The following GALNT2 variants were observed in gnomAD, a reference collection of about 807,000 sequenced individuals.
GALNT2 encodes the protein UDP-GalNAc:polypeptide N-acetylgalactosaminyltransferase 2.
GALNT2 carries 31 observed loss-of-function variants against 81.4 expected under a neutral mutation model. The ratio of observed to expected loss-of-function variants is 0.38; its 90% CI spans 0.29 to 0.51. GALNT2 has a LOEUF of 0.51. Among genes scored for constraint, GALNT2 ranks in the 20% least tolerant of loss-of-function variants. GALNT2 has a pLI of 0.87. For missense variants in GALNT2, 629 were observed against 765.7 expected (o/e 0.82, Z 2.11); for synonymous variants, 303 against 287.4 (o/e 1.05, Z -0.55).
chr1:230,104,541 T>C (rs566598048), intron 1 of GALNT2, among the ~76,000 whole-genome samples: 18 of 152,166 alleles, frequency 1.2e-4, no homozygotes, highest in Admixed American at 1.2e-3. Flanking sequence ...GTGGGGGAAA[T>C]GCGGGAGGAG....
At chr1:230,199,945 C>G (rs957041064) in intron 2 of GALNT2, among the ~76,000 whole-genome samples, 1 of 152,214 alleles carries the variant, frequency 6.6e-6, no homozygotes, top group Non-Finnish European at 1.5e-5. Context: ...GAAGCCGCCC[C>G]TGGTTTCCCA....
At chr1:230,239,272 A>G (rs1468228472) in intron 6 of GALNT2, among the ~76,000 whole-genome samples, 1 of 152,218 alleles carries the variant, frequency 6.6e-6, no homozygotes, top group Non-Finnish European at 1.5e-5. Context: ...GGATTCTCCA[A>G]AAGGACAGAA....
intron 14 of GALNT2, among the ~76,000 whole-genome samples, chr1:230,266,983 G>A (rs988138203): frequency 8.6e-6 from 1 of 116,432 alleles, no homozygotes; most frequent in African/African-American, 3.9e-5. Context: ...GCCTGTGCAC[G>A]TGTGTGACAC....
intron 3 of GALNT2, among the ~76,000 whole-genome samples, chr1:230,218,951 A>G (rs922740095): frequency 6.6e-6 from 1 of 152,218 alleles, no homozygotes; most frequent in African/African-American, 2.4e-5. Flanking sequence ...TAGGAGCACG[A>G]ACCCTATTGT....
rs531666135 is a variant in GALNT2 at position 230,111,470 on chromosome 1, A to G, written c.126+44064A>G. Among the ~76,000 whole-genome samples, 9 of 152,366 alleles carry G rather than the reference A, an allele frequency of 5.9e-5. No homozygotes were observed. In the South Asian group the frequency reaches 1.9e-3, roughly 32 times the overall value. On this transcript the variant is annotated intron_variant, in intron 1 of 15. Transcript: ENST00000366672. Reference sequence around the variant, plus strand: ...AACCCTCCCCAGAAGGCTCTGCTCAATGAGACTCTGAAAGTGTTCAAAAGC... The same window carrying G: ...AACCCTCCCCAGAAGGCTCTGCTCAGTGAGACTCTGAAAGTGTTCAAAAGC...
At chr1:230,184,607 A>G (rs1369844841) in intron 2 of GALNT2, among the ~76,000 whole-genome samples, 1 of 152,022 alleles carries the variant, frequency 6.6e-6, no homozygotes, top group Non-Finnish European at 1.5e-5. Flanking sequence ...GACATTAGTT[A>G]TAATCCTTCT....
At chr1:230,065,946 A>G (rs1050854823), upstream of GALNT2, among the ~76,000 whole-genome samples, 7 of 152,230 alleles carry the variant, frequency 4.6e-5, 1 homozygote, top group South Asian at 1.5e-3. Flanking sequence ...ACCTCTGTTC[A>G]GTTTTTAGTT....
intron 1 of GALNT2, among the ~76,000 whole-genome samples, chr1:230,089,004 T>C (rs972971774): frequency 6.6e-6 from 1 of 152,196 alleles, no homozygotes; most frequent in African/African-American, 2.4e-5. Context: ...TCAAGCACTG[T>C]GTGTCCTTTA....
At chr1:230,148,961 G>A (rs1465584288) in intron 1 of GALNT2, among the ~76,000 whole-genome samples, 1 of 152,004 alleles carries the variant, frequency 6.6e-6, no homozygotes, top group Non-Finnish European at 1.5e-5. Context: ...GCTCATTGCA[G>A]CCTTGACCTC....
At chr1:230,122,642 ACGTGTGTGTGTGTGTTCATC>A (rs557370295) in intron 1 of GALNT2, among the ~76,000 whole-genome samples, 230 of 151,910 alleles carry the variant, frequency 1.5e-3, no homozygotes, top group Non-Finnish European at 3.1e-3. Flanking sequence ...GCATGTACAT[ACGTGTGTGTGTGTGTTCATC>A]CGTGTGTGTG....
chr1:230,195,280 T>C (rs73114019), intron 2 of GALNT2, among the ~76,000 whole-genome samples: 21,565 of 152,024 alleles, frequency 0.14, 1,563 homozygotes, highest in African/African-American at 0.15. Flanking sequence ...TCAGTGGCAG[T>C]TAGATGTGGT....
At chr1:230,081,108 C>T (rs1287092149) in intron 1 of GALNT2, among the ~76,000 whole-genome samples, 1 of 152,132 alleles carries the variant, frequency 6.6e-6, no homozygotes, top group Non-Finnish European at 1.5e-5. Flanking sequence ...GCAGACCATG[C>T]CTGAAACTGT....
intron 3 of GALNT2, among the ~76,000 whole-genome samples, chr1:230,207,727 C>T (rs1480029031): frequency 1.3e-5 from 2 of 151,936 alleles, no homozygotes; most frequent in Non-Finnish European, 1.5e-5. Flanking sequence ...TAGCTGGGAC[C>T]GTGGGTGCGC....
chr1:230,122,033 C>G (rs2102802303), intron 1 of GALNT2, among the ~76,000 whole-genome samples: 1 of 149,396 alleles, frequency 6.7e-6, no homozygotes. Flanking sequence ...CCATTCAAGC[C>G]TCAGCCTCCC....
chr1:230,253,091 G>T (rs556660109), intron 10 of GALNT2, among the ~76,000 whole-genome samples: 1 of 151,944 alleles, frequency 6.6e-6, no homozygotes, highest in Non-Finnish European at 1.5e-5. Flanking sequence ...CAGGTGATCC[G>T]CCTGCCTCGG....
rs917526372 is a variant in GALNT2 at position 230,279,164 on chromosome 1, G to T, written c.1561-139G>T. On this transcript the variant is annotated intron_variant, in intron 15 of 15. Coordinates refer to ENST00000366672, the MANE Select transcript of GALNT2 (RefSeq NM_004481.5). The surrounding 1 kb of genome is among the most constrained non-coding windows in gnomAD (Gnocchi z 4.6). ...CCTGTGGGGCTGCTGCAAGCTCCTC[G>T]GCCGTTCAGATGAGAGGCTGGGAAA... 1 of 877,562 alleles carries T rather than the reference G, an allele frequency of 1.1e-6. No homozygotes were observed. Among genetic ancestry groups the T allele is most frequent in the Non-Finnish European group, 1.7e-6 (1 of 589,262 alleles). 54.4% of individuals were successfully genotyped at this position (877,562 alleles called of 1,614,324 possible).
chr1:230,187,235 A>G (rs1254150007), intron 2 of GALNT2, among the ~76,000 whole-genome samples: 1 of 152,240 alleles, frequency 6.6e-6, no homozygotes, highest in African/African-American at 2.4e-5. Context: ...CGCACACTCT[A>G]TGAACAGACG....
intron 2 of GALNT2, among the ~76,000 whole-genome samples, chr1:230,194,747 C>T (rs59579164): frequency 0.17 from 26,304 of 152,204 alleles, 2,627 homozygotes; most frequent in African/African-American, 0.28. Flanking sequence ...GTTGCAGGAA[C>T]GCCTGTAGGG....
At chr1:230,061,220 GTGTGT>G (rs773104968) in intron 1 of GALNT2, among the ~76,000 whole-genome samples, 2 of 128,886 alleles carry the variant, frequency 1.6e-5, no homozygotes, top group Non-Finnish European at 3.6e-5. Flanking sequence ...GTGTGTGTGT[GTGTGT>G]CTGTATGAAA....
Sources: allele counts gnomAD v4.1 joint callset (sites outside exome capture counted in the v4.1 genomes callset), GRCh38; gene constraint gnomAD v4.1.1; non-coding constraint Gnocchi (gnomAD v3.1); transcripts MANE v1.5; gene names NCBI Gene and HGNC (gene_info 2026-07-23, HGNC 2026-07-21).